The following SLC20A1 variants were observed in gnomAD, a reference collection of about 807,000 sequenced individuals.
The protein encoded by SLC20A1 is sodium-dependent phosphate transporter 1.
A neutral mutation model predicts 62.7 loss-of-function variants in SLC20A1; 28 were observed. That is an observed-to-expected ratio of 0.45 (90% confidence interval 0.33 to 0.61). The LOEUF is 0.61. SLC20A1 is among the 20% of genes least tolerant of loss of function. The probability of loss-of-function intolerance (pLI) is 0.02; values close to 1 mark genes in which losing one functional copy is unlikely to be tolerated. For synonymous variants in SLC20A1, 305 were observed against 302.9 expected, an observed-to-expected ratio of 1.01 and a Z score of -0.07; for missense variants, 673 against 838.6, an observed-to-expected ratio of 0.80 and a Z score of 2.44.
intron 5 of SLC20A1, among the ~76,000 whole-genome samples, chr2:112,653,721 G>A (rs2104645094): frequency 6.6e-6 from 1 of 151,844 alleles, no homozygotes. Context: ...TGAGTAATGG[G>A]TTGTGACTTG....
chr2:112,659,825 G>A (rs1025624514), intron 8 of SLC20A1, 63 bp downstream of exon 8: 2 of 1,439,448 alleles, frequency 1.4e-6, no homozygotes, highest in African/African-American at 2.8e-5. Flanking sequence ...CTTGTCACAG[G>A]CCTGTGCTTG....
intron 5 of SLC20A1, among the ~76,000 whole-genome samples, chr2:112,656,736 A>G (rs553025397): frequency 1.6e-5 from 1 of 63,116 alleles, no homozygotes; most frequent in East Asian, 2.8e-3. Context: ...TGGTAATGGA[A>G]TATGTGGCAG....
chr2:112,647,741 A>C lies in SLC20A1; in HGVS notation c.561+3A>C, dbSNP rs756179397. 1.2e-6 allele frequency: 2 copies of C among 1,609,978 alleles called. No individual in the cohort carries two copies. Among genetic ancestry groups the C allele is most frequent in the African/African-American group, 2.7e-5 (2 of 74,956 alleles). The stretch of plus-strand genomic sequence containing the variant: ...TTCGTGCATTCATCCTCCATAAGGT[A>C]ACCTTTCTCCCCCGTATGAAGACCT... On this transcript the variant is annotated splice_donor_region_variant and intron_variant, in intron 4 of 10. Coordinates refer to ENST00000272542, the MANE Select transcript of SLC20A1 (RefSeq NM_005415.5).
chr2:112,653,178 T>C, intron 5 of SLC20A1: 1 of 304,284 alleles, frequency 3.3e-6, no homozygotes, highest in Non-Finnish European at 6.5e-6. Context: ...GTTTGCTGGA[T>C]ATTCTCATTT....
At position 112,659,179 on chromosome 2, in the gene SLC20A1, A is replaced by C. The variant is rs1439452767; in HGVS notation, c.1049-25A>C. ...TTGGATTTGATGCTTTTTGTATTGA[A>C]TGTCACCTTGGTGATCTTGACTAGG... On this transcript the variant is annotated intron_variant, in intron 7 of 10. Coordinates refer to ENST00000272542, the MANE Select transcript of SLC20A1 (RefSeq NM_005415.5). The C allele has an allele frequency of 1.9e-6, 3 of 1,606,172 alleles. No individual in the cohort carries two copies. The South Asian group carries it at 3.3e-5, about 18-fold the overall frequency.
chr2:112,653,030 C>A, intron 5 of SLC20A1: 1 of 990,404 alleles, frequency 1.0e-6, no homozygotes, highest in Non-Finnish European at 1.5e-6. Flanking sequence ...CCTCTTTAGT[C>A]TTCACAGGAT....
Position 112,659,041 on chromosome 2 carries a change from G to A in SLC20A1, c.995G>A (p.Arg332Lys). ...TTGGAGGAAGCTCCAGAGAGAGAGA[G>A]GCTTCCCAGCGTGGACTTGAAAGAG... ...GDLEEAPERE[R>K]LPSVDLKEET... The change falls in exon 7 of 11, where the codon AGG (arginine) becomes AAG (lysine). Residue 332 changes from arginine (R) to lysine (K), a missense_variant. Transcript: ENST00000272542. The A allele has an allele frequency of 6.2e-7, 1 of 1,614,142 alleles. No individual in the cohort carries two copies. The highest frequency in any genetic ancestry group is 8.5e-7 in the Non-Finnish European group (1 of 1,180,026).
intron 5 of SLC20A1, 68 bp downstream of exon 5, chr2:112,652,866 A>G (rs1200922673): frequency 2.1e-5 from 34 of 1,613,546 alleles, no homozygotes; most frequent in African/African-American, 2.7e-5. Flanking sequence ...TAAATGCCCA[A>G]TTTACCCCTT....
In SLC20A1 at chr2:112,659,392, A is replaced by C. The variant is rs527511589; in HGVS notation, c.1237A>C (p.Arg413=). Reference sequence around the variant, plus strand: ...GGGAGACTCCGGTGACAAACCCTTAAGGCGCAATAATAGCTATACTTCCTA... The same window carrying C: ...GGGAGACTCCGGTGACAAACCCTTACGGCGCAATAATAGCTATACTTCCTA... ...CMGDSGDKPL[R]RNNSYTSYTM... Residue 413 remains arginine, a synonymous_variant, in exon 8 of 11, where the codon AGG becomes CGG. Coordinates refer to ENST00000272542, the MANE Select transcript of SLC20A1 (RefSeq NM_005415.5). 6.2e-7 allele frequency: 1 copy of C among 1,614,248 alleles called. No homozygotes were observed. Among genetic ancestry groups the C allele is most frequent in the South Asian group, 1.1e-5 (1 of 91,088 alleles).
chr2:112,655,729 C>T (rs1686567101), intron 5 of SLC20A1, among the ~76,000 whole-genome samples: 1 of 152,098 alleles, frequency 6.6e-6, no homozygotes, highest in Admixed American at 6.5e-5. Flanking sequence ...GAGTTTCGCT[C>T]TTGTCACCCA....
chr2:112,660,672 G>T, intron 9 of SLC20A1, 100 bp downstream of exon 9: 1 of 996,814 alleles, frequency 1.0e-6, no homozygotes, highest in Non-Finnish European at 1.4e-6. Flanking sequence ...AACCAAGTTT[G>T]TATAAGTTCA....
At chr2:112,657,268 G>GT (rs775653940) in intron 6 of SLC20A1, 27 bp downstream of exon 6, 3 of 1,601,908 alleles carry the variant, frequency 1.9e-6, no homozygotes, top group Admixed American at 1.7e-5. Context: ...CAGCAGAAAA[G>GT]TTTAACTACT....
chr2:112,646,651 T>A lies in SLC20A1; in HGVS notation c.-178T>A. ...AGCCAAAGAAACCCCAGACAACAGA[T>A]GCCCATACGCAGCGTATAGCAGTAA... On this transcript the variant is annotated 5_prime_UTR_variant, in exon 2 of 11. An upstream start codon of the reference 5' UTR is lost. Coordinates refer to ENST00000272542, the MANE Select transcript of SLC20A1 (RefSeq NM_005415.5). The A allele has an allele frequency of 3.8e-6, 1 of 260,796 alleles. No homozygotes were observed. Among genetic ancestry groups the A allele is most frequent in the Non-Finnish European group, 6.9e-6 (1 of 144,014 alleles). 16.2% of individuals were successfully genotyped at this position (260,796 alleles called of 1,614,324 possible).
At chr2:112,657,461 A>G (rs555553245) in intron 6 of SLC20A1, among the ~76,000 whole-genome samples, 1 of 152,292 alleles carries the variant, frequency 6.6e-6, no homozygotes, top group African/African-American at 2.4e-5. Context: ...AGACCTAGTG[A>G]TAAAGAGTAT....
intron 5 of SLC20A1, among the ~76,000 whole-genome samples, chr2:112,654,462 A>G (rs1243650748): frequency 1.3e-5 from 2 of 152,232 alleles, no homozygotes; most frequent in East Asian, 3.8e-4. Flanking sequence ...AAGAAAAACC[A>G]GTCTCTTTCC....
At position 112,661,134 on chromosome 2, in the gene SLC20A1, G is replaced by C. The variant is rs751163632; in HGVS notation, c.1794-8G>C. 6.2e-7 allele frequency: 1 copy of C among 1,612,178 alleles called. No homozygotes were observed. The highest frequency in any genetic ancestry group is 8.5e-7 in the Non-Finnish European group (1 of 1,178,352). On this transcript the variant is annotated splice_region_variant and splice_polypyrimidine_tract_variant and intron_variant, in intron 9 of 10. Coordinates refer to ENST00000272542, the MANE Select transcript of SLC20A1 (RefSeq NM_005415.5). ...CACTTCCTGACAAGAATCCTTTTGT[G>C]TCTGTAGTGGCTTCAGTATTGAACT...
At chr2:112,662,161 C>G (rs60372418) in intron 10 of SLC20A1, among the ~76,000 whole-genome samples, 42,673 of 152,120 alleles carry the variant, frequency 0.28, 6,940 homozygotes, top group East Asian at 0.77. Flanking sequence ...TTAAGCTGGT[C>G]CATCATGGAT....
intron 4 of SLC20A1, 111 bp downstream of exon 4, chr2:112,647,849 AT>A: frequency 2.3e-6 from 2 of 852,890 alleles, no homozygotes; most frequent in Non-Finnish European, 1.9e-6. Context: ...GCCTTGGAAA[AT>A]TTTAAAAAGC....
At chr2:112,660,699 A>AGC in intron 9 of SLC20A1, 127 bp downstream of exon 9, 2 of 822,234 alleles carry the variant, frequency 2.4e-6, no homozygotes, top group Non-Finnish European at 3.6e-6. Context: ...TCTTATTGTC[A>AGC]TTGTTCTTTT....
Sources: allele counts gnomAD v4.1 joint callset (sites outside exome capture counted in the v4.1 genomes callset), GRCh38; gene constraint gnomAD v4.1.1; transcripts MANE v1.5; gene names NCBI Gene and HGNC (gene_info 2026-07-23, HGNC 2026-07-21).